Variants in FAM185A observed in about 807,000 individuals in gnomAD.
FAM185A encodes family with sequence similarity 185 member A.
In FAM185A, 21 loss-of-function variants were observed where a neutral mutation model predicts 45.7. The observed-to-expected ratio is 0.46, with a 90% CI of 0.33 to 0.66. The LOEUF (loss-of-function observed/expected upper bound fraction) is 0.66. Among genes scored for constraint, FAM185A ranks in the 30% least tolerant of loss-of-function variants. The pLI, the probability that FAM185A is intolerant of heterozygous loss-of-function variation, is 0.03. For missense variants in FAM185A, 305 were observed against 485.4 expected, an observed-to-expected ratio of 0.63 and a Z score of 3.49; for synonymous variants, 117 against 194.0, an observed-to-expected ratio of 0.60 and a Z score of 3.30.
chr7:102,849,448 A>G, the FAM185A span, among the ~76,000 whole-genome samples: 1 of 152,304 alleles, frequency 6.6e-6, no homozygotes, highest in African/African-American at 2.4e-5. Flanking sequence ...AAACCTAACC[A>G]GGGTAAAAAA....
chr7:102,793,900 G>C (rs1050033231), intron 7 of FAM185A, among the ~76,000 whole-genome samples: 1 of 151,740 alleles, frequency 6.6e-6, no homozygotes, highest in Non-Finnish European at 1.5e-5. Context: ...TTAGCTGGGC[G>C]TGGTGGCGGG....
intron 1 of FAM185A, 92 bp from the exon 2 acceptor site, chr7:102,751,600 G>A: frequency 3.6e-6 from 5 of 1,408,240 alleles, no homozygotes; most frequent in South Asian, 3.2e-5. Flanking sequence ...GCAATATTAC[G>A]GACATAACTG....
At chr7:102,823,927 C>G in the FAM185A span, among the ~76,000 whole-genome samples, 3 of 152,026 alleles carry the variant, frequency 2.0e-5, no homozygotes, top group Non-Finnish European at 4.4e-5. Flanking sequence ...CTAGGTTGAT[C>G]TCTGAGGATC....
intron 4 of FAM185A, among the ~76,000 whole-genome samples, chr7:102,765,456 A>C (rs2129434952): frequency 6.6e-6 from 1 of 152,074 alleles, no homozygotes; most frequent in South Asian, 2.1e-4. Flanking sequence ...AGAGCATGAA[A>C]TTTATTTTTT....
the FAM185A span, among the ~76,000 whole-genome samples, chr7:102,828,036 T>C: frequency 2.6e-5 from 4 of 152,232 alleles, no homozygotes; most frequent in East Asian, 7.7e-4. Context: ...AGCTTTGTTC[T>C]TTTGGCTTAG....
At chr7:102,815,672 T>C in the FAM185A span, among the ~76,000 whole-genome samples, 2 of 151,704 alleles carry the variant, frequency 1.3e-5, no homozygotes, top group African/African-American at 4.8e-5. Context: ...TTTTAGGGAG[T>C]AAAAGATTTG....
At chr7:102,827,475 C>T in the FAM185A span, among the ~76,000 whole-genome samples, 1 of 152,122 alleles carries the variant, frequency 6.6e-6, no homozygotes, top group Non-Finnish European at 1.5e-5. Context: ...TCAGCCAATA[C>T]TATGTGCCAG....
chr7:102,848,282 C>T, the FAM185A span, among the ~76,000 whole-genome samples: 1 of 46,532 alleles, frequency 2.1e-5, no homozygotes, highest in Admixed American at 1.6e-4. Context: ...CGAGGCCGGG[C>T]GCGGTGGCTC....
the FAM185A span, chr7:102,834,473 A>ATGTG: frequency 5.2e-4 from 74 of 141,542 alleles, no homozygotes; most frequent in African/African-American, 2.0e-3. Context: ...ATATATATAT[A>ATGTG]TGTGATGTGG....
intron 7 of FAM185A, among the ~76,000 whole-genome samples, chr7:102,792,795 GTTCTT>G (rs1796211919): frequency 6.6e-6 from 1 of 150,604 alleles, no homozygotes; most frequent in Non-Finnish European, 1.5e-5. Context: ...TCAGAAAAGA[GTTCTT>G]AGCTTGTCTA....
the FAM185A span, among the ~76,000 whole-genome samples, chr7:102,839,866 G>A: frequency 3.0e-4 from 45 of 151,958 alleles, 1 homozygote; most frequent in South Asian, 7.9e-3. Flanking sequence ...TAGAATGTAT[G>A]AGATAAAAAA....
At chr7:102,750,556 T>C (rs1295937528) in intron 1 of FAM185A, among the ~76,000 whole-genome samples, 1 of 152,216 alleles carries the variant, frequency 6.6e-6, no homozygotes, top group Non-Finnish European at 1.5e-5. Context: ...TATATTGTTA[T>C]AATTGCTGTA....
At chr7:102,794,944 A>G (rs553367145) in intron 7 of FAM185A, among the ~76,000 whole-genome samples, 1 of 152,362 alleles carries the variant, frequency 6.6e-6, no homozygotes, top group African/African-American at 2.4e-5. Flanking sequence ...AACATTCTTG[A>G]AACAACAAAA....
At chr7:102,821,335 C>A in the FAM185A span, among the ~76,000 whole-genome samples, 1 of 152,152 alleles carries the variant, frequency 6.6e-6, no homozygotes, top group Non-Finnish European at 1.5e-5. Context: ...GTGGGAATGT[C>A]TATTTTACAA....
the FAM185A span, among the ~76,000 whole-genome samples, chr7:102,829,414 G>T: frequency 1.3e-5 from 2 of 152,144 alleles, no homozygotes; most frequent in Non-Finnish European, 2.9e-5. Flanking sequence ...GCCTGCTTTC[G>T]CTTACCTTAT....
intron 4 of FAM185A, among the ~76,000 whole-genome samples, chr7:102,761,730 A>G (rs1212030628): frequency 1.3e-5 from 2 of 151,526 alleles, no homozygotes; most frequent in Admixed American, 1.3e-4. Context: ...GTGGCGTGAC[A>G]CTGGCTCACT....
At chr7:102,776,241 T>G (rs1795055378) in intron 5 of FAM185A, among the ~76,000 whole-genome samples, 4 of 151,324 alleles carry the variant, frequency 2.6e-5, no homozygotes, top group Admixed American at 2.6e-4. Context: ...AAGAGGCCTC[T>G]CTAAAAAGAA....
chr7:102,829,795 C>T, the FAM185A span, among the ~76,000 whole-genome samples: 1 of 152,132 alleles, frequency 6.6e-6, no homozygotes, highest in African/African-American at 2.4e-5. Context: ...TTTTGGGAAA[C>T]CTGGCACAGA....
At chr7:102,842,909 A>C in the FAM185A span, among the ~76,000 whole-genome samples, 1 of 152,248 alleles carries the variant, frequency 6.6e-6, no homozygotes, top group African/African-American at 2.4e-5. Context: ...ACCAAAAGTC[A>C]AATGAACAGC....
Sources: allele counts gnomAD v4.1 joint callset (sites outside exome capture counted in the v4.1 genomes callset), GRCh38; gene constraint gnomAD v4.1.1; transcripts MANE v1.5; gene names NCBI Gene and HGNC (gene_info 2026-07-23, HGNC 2026-07-21).